The following RASGRF2 variants were observed in gnomAD, a reference collection of about 807,000 sequenced individuals.
RASGRF2 encodes ras-specific guanine nucleotide-releasing factor 2.
In RASGRF2, 76 loss-of-function variants were observed where a neutral mutation model predicts 151.0. The observed-to-expected ratio is 0.50, with a 90% CI of 0.42 to 0.61. The LOEUF (loss-of-function observed/expected upper bound fraction) is 0.61. Among genes scored for constraint, RASGRF2 ranks in the 20% least tolerant of loss-of-function variants. The probability of loss-of-function intolerance (pLI) is 0.00; values close to 1 mark genes in which losing one functional copy is unlikely to be tolerated. For missense variants in RASGRF2, 1,148 were observed against 1,564.6 expected (o/e 0.73, Z 4.49); for synonymous variants, 504 against 566.5 (o/e 0.89, Z 1.57).
chr5:81,168,305 TTC>T (rs760589499), intron 17 of RASGRF2, among the ~76,000 whole-genome samples: 1 of 91,278 alleles, frequency 1.1e-5, no homozygotes, highest in Non-Finnish European at 2.1e-5. Context: ...TTTTTTTTTC[TTC>T]TCTTTTTTTT....
intron 17 of RASGRF2, among the ~76,000 whole-genome samples, chr5:81,164,989 C>G (rs1322972188): frequency 6.6e-6 from 1 of 152,216 alleles, no homozygotes; most frequent in Non-Finnish European, 1.5e-5. Flanking sequence ...TAACACTTTG[C>G]AGAGACATGA....
intron 1 of RASGRF2, among the ~76,000 whole-genome samples, chr5:80,975,168 C>G (rs1172708577): frequency 6.6e-6 from 1 of 151,976 alleles, no homozygotes. Flanking sequence ...CCTCCTGGCT[C>G]TGCACGCCAA....
At chr5:81,020,001 T>C (rs1387559529) in intron 1 of RASGRF2, among the ~76,000 whole-genome samples, 1 of 152,236 alleles carries the variant, frequency 6.6e-6, no homozygotes. Flanking sequence ...TGTTCTCATA[T>C]TGGGTTACAT....
At chr5:81,208,591 G>A (rs1184143791) in intron 22 of RASGRF2, among the ~76,000 whole-genome samples, 153 bp downstream of exon 22, 6 of 129,304 alleles carry the variant, frequency 4.6e-5, no homozygotes, top group South Asian at 5.0e-4. Flanking sequence ...TCGCTCTGTC[G>A]CCCAGGCTGG....
chr5:81,199,911 A>AAG (rs1025236189), intron 18 of RASGRF2, among the ~76,000 whole-genome samples: 11 of 151,242 alleles, frequency 7.3e-5, no homozygotes, highest in African/African-American at 1.9e-4. Flanking sequence ...AAAAAAAAAA[A>AAG]AAAGAAAATG....
chr5:80,965,440 GA>G lies in RASGRF2; in HGVS notation c.288+4423del, dbSNP rs561317386. The stretch of plus-strand genomic sequence containing the variant: ...ATTATCCTTCTCTTTAAAGTTAAAT[GA>G]AAAAAAAATCTCATGGATTAGCAAA... On this transcript the variant is annotated intron_variant, in intron 1 of 26. Coordinates refer to ENST00000265080, the MANE Select transcript of RASGRF2 (RefSeq NM_006909.3). Among the ~76,000 whole-genome samples, 210 of 150,948 alleles carry G rather than the reference GA, an allele frequency of 1.4e-3. 1 individual carries two copies. Among genetic ancestry groups the G allele is most frequent in the African/African-American group, 4.8e-3 (197 of 41,214 alleles).
At chr5:81,075,690 G>A (rs2112468540) in intron 5 of RASGRF2, among the ~76,000 whole-genome samples, 1 of 152,276 alleles carries the variant, frequency 6.6e-6, no homozygotes. Flanking sequence ...CAGGCTGAGG[G>A]GAAAAGATGA....
At chr5:81,094,157 G>T in intron 10 of RASGRF2, 139 bp from the exon 11 acceptor site, 1 of 619,414 alleles carries the variant, frequency 1.6e-6, no homozygotes. Flanking sequence ...GTTTAATTTT[G>T]GGCTCTATGA....
chr5:81,176,539 T>G (rs981502991), intron 17 of RASGRF2, among the ~76,000 whole-genome samples: 2 of 151,718 alleles, frequency 1.3e-5, no homozygotes, highest in African/African-American at 4.8e-5. Context: ...AGGGGTGGGG[T>G]GGGGAGCATC....
chr5:81,182,799 T>C (rs1174319742), intron 18 of RASGRF2, among the ~76,000 whole-genome samples: 2 of 152,200 alleles, frequency 1.3e-5, no homozygotes, highest in Admixed American at 6.5e-5. Context: ...CTGACTGTTA[T>C]GGTGCTTTCA....
At chr5:81,182,778 G>C (rs926983606) in intron 18 of RASGRF2, among the ~76,000 whole-genome samples, 4 of 152,190 alleles carry the variant, frequency 2.6e-5, no homozygotes, top group African/African-American at 9.7e-5. Flanking sequence ...GCTTCACAGA[G>C]CCTAAGCAAG....
At chr5:81,012,192 A>G (rs1196671408) in intron 1 of RASGRF2, among the ~76,000 whole-genome samples, 1 of 152,150 alleles carries the variant, frequency 6.6e-6, no homozygotes, top group Non-Finnish European at 1.5e-5. Flanking sequence ...ATTTGCCTTT[A>G]TACTCTCTGT....
intron 1 of RASGRF2, among the ~76,000 whole-genome samples, chr5:81,027,297 T>C (rs1333556200): frequency 6.6e-6 from 1 of 152,194 alleles, no homozygotes; most frequent in Non-Finnish European, 1.5e-5. Flanking sequence ...GTCACATATA[T>C]GCAAAATGTT....
chr5:81,088,310 C>G (rs1402208600), intron 9 of RASGRF2: 2 of 152,308 alleles, frequency 1.3e-5, no homozygotes, highest in Non-Finnish European at 2.9e-5. Flanking sequence ...CTCGAAGGAG[C>G]CTTTTATAAT....
rs145139232 is a variant in RASGRF2 at position 81,181,648 on chromosome 5, G to C, written c.2793+1367G>C. ...CTGATGGTCCATCTTATTCCTCTCT[G>C]ATTTTTTCTCAAGAATCTTGACAGT... On this transcript the variant is annotated intron_variant, in intron 18 of 26. Coordinates refer to ENST00000265080, the MANE Select transcript of RASGRF2 (RefSeq NM_006909.3). Among the ~76,000 whole-genome samples, 792 of 152,156 alleles carry C rather than the reference G, an allele frequency of 5.2e-3. 7 individuals carry two copies. Among genetic ancestry groups the C allele is most frequent in the Middle Eastern group, 0.024 (7 of 294 alleles).
At chr5:81,224,948 T>C (rs534901596) in intron 26 of RASGRF2, among the ~76,000 whole-genome samples, 7 of 152,366 alleles carry the variant, frequency 4.6e-5, no homozygotes, top group African/African-American at 1.4e-4. Context: ...ATGAAATGTA[T>C]GTAAGTTACA....
chr5:81,220,430 T>G (rs1386026459), intron 26 of RASGRF2, among the ~76,000 whole-genome samples: 1 of 152,236 alleles, frequency 6.6e-6, no homozygotes, highest in African/African-American at 2.4e-5. Flanking sequence ...GTCCCTATTA[T>G]TATCTTACAT....
At chr5:81,097,793 AAAAG>A (rs1368460999) in intron 12 of RASGRF2, among the ~76,000 whole-genome samples, 1 of 152,234 alleles carries the variant, frequency 6.6e-6, no homozygotes, top group Non-Finnish European at 1.5e-5. Context: ...AATAGAAAAA[AAAAG>A]AAAGTCAATG....
At chr5:81,174,693 T>C (rs1254030019) in intron 17 of RASGRF2, among the ~76,000 whole-genome samples, 1 of 152,200 alleles carries the variant, frequency 6.6e-6, no homozygotes, top group Admixed American at 6.5e-5. Context: ...ACTTTTTTAT[T>C]GCAATCCACA....
Sources: gnomAD v4.1 joint callset for allele counts (sites outside exome capture counted in the v4.1 genomes callset) on GRCh38, gnomAD v4.1.1 for gene constraint, MANE v1.5 for transcripts, NCBI Gene and HGNC (gene_info 2026-07-23, HGNC 2026-07-21) for gene names.